The following TSPAN5 variants were observed in gnomAD, a reference collection of about 807,000 sequenced individuals.
TSPAN5 encodes tetraspanin-5.
A neutral mutation model predicts 37.1 loss-of-function variants in TSPAN5; 10 were observed. That is an observed-to-expected ratio of 0.27 (90% CI 0.17 to 0.46). The LOEUF is 0.46. TSPAN5 is among the 20% of genes least tolerant of loss of function. The pLI is 1.00. For synonymous variants in TSPAN5, 110 were observed against 118.9 expected (o/e 0.93, Z 0.48); for missense variants, 195 against 326.6 (o/e 0.60, Z 3.11).
At chr4:98,512,162 G>A (rs1280779673) in intron 1 of TSPAN5, among the ~76,000 whole-genome samples, 1 of 152,064 alleles carries the variant, frequency 6.6e-6, no homozygotes, top group Admixed American at 6.6e-5. Flanking sequence ...GCAGTGAGCT[G>A]AGATCGCGCC....
At chr4:98,587,674 G>C (rs1457499620) in intron 1 of TSPAN5, among the ~76,000 whole-genome samples, 1 of 152,088 alleles carries the variant, frequency 6.6e-6, no homozygotes, top group African/African-American at 2.4e-5. Flanking sequence ...CAGATCACGA[G>C]GTCAGGAGAT....
intron 1 of TSPAN5, among the ~76,000 whole-genome samples, chr4:98,570,448 CT>C (rs1424077058): frequency 6.6e-6 from 1 of 152,190 alleles, no homozygotes; most frequent in Non-Finnish European, 1.5e-5. Flanking sequence ...AGTTTCCAAA[CT>C]GCAATTCATA....
chr4:98,482,014 G>A lies in TSPAN5; in HGVS notation c.441C>T (p.Thr147=), dbSNP rs755580859. The A allele has an allele frequency of 3.3e-5, 54 of 1,613,550 alleles. No homozygotes were observed. In the South Asian group the frequency reaches 5.7e-4, roughly 17 times the overall value. ...ACCACTTTAAACTTACATATTCCTG[G>A]GTGAAGTCTATGAGGTTTTGCAAAT... ...DIDLQNLIDF[T]QEYWQCCGAF... is the part of the protein sequence containing the mutation. The change falls in exon 4 of 8, where the codon ACC becomes ACT. Residue 147 remains threonine (T), a synonymous_variant. Transcript: ENST00000305798.
At chr4:98,570,082 G>C (rs916193543) in intron 1 of TSPAN5, among the ~76,000 whole-genome samples, 1 of 152,094 alleles carries the variant, frequency 6.6e-6, no homozygotes, top group African/African-American at 2.4e-5. Flanking sequence ...AACTTTTTCA[G>C]CCAAAGGAAA....
intron 2 of TSPAN5, chr4:98,496,291 A>G (rs1013608974): frequency 1.3e-5 from 2 of 152,260 alleles, no homozygotes; most frequent in Admixed American, 1.3e-4. Flanking sequence ...CCAAACATCC[A>G]TCTATCTAAG....
rs570617680 is a variant in TSPAN5, at chr4:98,579,141, G to A, written c.82-71413C>T. ...GTGCTACCCGTACACCTCCAGAAAG[G>A]GCATAGTCAACTGCAACACAGCATC... On this transcript the variant is annotated intron_variant, in intron 1 of 7. Transcript: ENST00000305798. 4.6e-5 allele frequency among the ~76,000 whole-genome samples: 7 copies of A among 152,162 alleles called. No homozygotes were observed. In the East Asian group the frequency reaches 1.4e-3, roughly 29 times the overall value.
chr4:98,617,030 G>T (rs1206661832), intron 1 of TSPAN5, among the ~76,000 whole-genome samples: 2 of 152,044 alleles, frequency 1.3e-5, no homozygotes, highest in South Asian at 4.2e-4. Flanking sequence ...TCACCATGTT[G>T]CCCAGTCTAG....
At chr4:98,587,623 C>T (rs1238734160) in intron 1 of TSPAN5, among the ~76,000 whole-genome samples, 2 of 152,172 alleles carry the variant, frequency 1.3e-5, no homozygotes, top group Non-Finnish European at 1.5e-5. Flanking sequence ...GGCGCAGTGG[C>T]TCATGCCTGT....
At chr4:98,650,201 T>A (rs1757154998) in intron 1 of TSPAN5, among the ~76,000 whole-genome samples, 2 of 152,192 alleles carry the variant, frequency 1.3e-5, no homozygotes, top group South Asian at 4.1e-4. Flanking sequence ...TTATTTTACA[T>A]CATTCAAGAG....
intron 7 of TSPAN5, among the ~76,000 whole-genome samples, chr4:98,474,589 C>T (rs1752655437): frequency 2.0e-5 from 3 of 152,136 alleles, no homozygotes; most frequent in Non-Finnish European, 4.4e-5. Flanking sequence ...CTCAAGTGAT[C>T]CACCTGACTC....
intron 1 of TSPAN5, among the ~76,000 whole-genome samples, chr4:98,615,834 C>T (rs144803918): frequency 6.6e-6 from 1 of 152,102 alleles, no homozygotes; most frequent in Non-Finnish European, 1.5e-5. Context: ...AAGTGTGTCA[C>T]ACTTACAATG....
intron 1 of TSPAN5, among the ~76,000 whole-genome samples, chr4:98,616,817 C>T (rs1296121041): frequency 6.6e-6 from 1 of 151,982 alleles, no homozygotes; most frequent in Admixed American, 6.6e-5. Context: ...AATAACGATA[C>T]ACTCCAATTT....
chr4:98,547,949 G>A (rs544782902), intron 1 of TSPAN5, among the ~76,000 whole-genome samples: 9 of 147,152 alleles, frequency 6.1e-5, no homozygotes, highest in Non-Finnish European at 1.3e-4. Context: ...AGGCTGCAGT[G>A]AGCTGACAGC....
At chr4:98,489,712 A>G (rs1331875707) in intron 2 of TSPAN5, among the ~76,000 whole-genome samples, 5 of 151,938 alleles carry the variant, frequency 3.3e-5, no homozygotes, top group Admixed American at 2.6e-4. Flanking sequence ...GAGGCTCGCC[A>G]TTGTTCCTGC....
At chr4:98,515,752 G>C (rs1312609253) in intron 1 of TSPAN5, among the ~76,000 whole-genome samples, 2 of 61,182 alleles carry the variant, frequency 3.3e-5, no homozygotes, top group African/African-American at 3.0e-4. Context: ...TCAGCTTGAG[G>C]GTCATTCCAG....
At chr4:98,611,633 C>G (rs1048830331) in intron 1 of TSPAN5, among the ~76,000 whole-genome samples, 3 of 152,196 alleles carry the variant, frequency 2.0e-5, no homozygotes, top group African/African-American at 7.2e-5. Context: ...GGGGAGAAAA[C>G]AAGCTGCCTC....
At chr4:98,607,539 T>G (rs1756065910) in intron 1 of TSPAN5, among the ~76,000 whole-genome samples, 1 of 152,192 alleles carries the variant, frequency 6.6e-6, no homozygotes, top group Admixed American at 6.5e-5. Flanking sequence ...GTAGCCTAAG[T>G]TATTTGGCAT....
At chr4:98,478,127 G>C (rs1225154742) in intron 5 of TSPAN5, among the ~76,000 whole-genome samples, 3 of 152,008 alleles carry the variant, frequency 2.0e-5, no homozygotes, top group African/African-American at 4.8e-5. Context: ...CAGGAGTCTG[G>C]GCAGCTGTGG....
intron 1 of TSPAN5, among the ~76,000 whole-genome samples, chr4:98,625,074 G>A (rs181549323): frequency 6.6e-6 from 1 of 152,144 alleles, no homozygotes; most frequent in South Asian, 2.1e-4. Context: ...AAAGGGAGGA[G>A]GAGAAAAAGC....
Sources: allele counts gnomAD v4.1 joint callset (sites outside exome capture counted in the v4.1 genomes callset), GRCh38; gene constraint gnomAD v4.1.1; transcripts MANE v1.5; gene names NCBI Gene and HGNC (gene_info 2026-07-23, HGNC 2026-07-21).